ATE1: variants seen among roughly 807,000 people sequenced by gnomAD.
The protein encoded by ATE1 is arginyltransferase 1, also known as arginyl-tRNA--protein transferase 1.
A neutral mutation model predicts 70.5 loss-of-function variants in ATE1; 36 were observed. The ratio of observed to expected loss-of-function variants is 0.51; its 90% confidence interval spans 0.39 to 0.67. The LOEUF (loss-of-function observed/expected upper bound fraction) is 0.67, where lower values mean the gene tolerates loss of function less well. ATE1 is among the 30% of genes least tolerant of loss of function. ATE1 has a pLI of 0.00. For missense variants in ATE1, 593 were observed against 629.5 expected, an observed-to-expected ratio of 0.94 and a Z score of 0.62; for synonymous variants, 232 against 219.3, an observed-to-expected ratio of 1.06 and a Z score of -0.51.
At chr10:121,803,927 G>C (rs1392390194) in intron 10 of ATE1, among the ~76,000 whole-genome samples, 1 of 152,164 alleles carries the variant, frequency 6.6e-6, no homozygotes, top group East Asian at 1.9e-4. Context: ...CAAGTTTAAG[G>C]ATAACCTTTC....
intron 4 of ATE1, among the ~76,000 whole-genome samples, chr10:121,912,483 C>G (rs1951479098): frequency 6.6e-6 from 1 of 151,324 alleles, no homozygotes; most frequent in Non-Finnish European, 1.5e-5. Flanking sequence ...AACCCCGTTT[C>G]TACTAAAAAT....
At chr10:121,897,052 T>C (rs551067226) in intron 7 of ATE1, among the ~76,000 whole-genome samples, 2 of 152,102 alleles carry the variant, frequency 1.3e-5, no homozygotes, top group East Asian at 3.9e-4. Flanking sequence ...CAAATGTCAC[T>C]TCCCTCAGAA....
chr10:121,848,319 A>ATTCATTC (rs1564891925), intron 8 of ATE1, among the ~76,000 whole-genome samples: 2 of 119,776 alleles, frequency 1.7e-5, no homozygotes, highest in Non-Finnish European at 3.8e-5. Flanking sequence ...TTCATTCATT[A>ATTCATTC]AAAAACTTAT....
chr10:121,841,914 TAAATA>T (rs1440210413), intron 8 of ATE1, among the ~76,000 whole-genome samples: 2 of 151,884 alleles, frequency 1.3e-5, no homozygotes, highest in African/African-American at 2.4e-5. Context: ...TGAAATAAAA[TAAATA>T]AAATAAAAAA....
intron 8 of ATE1, among the ~76,000 whole-genome samples, chr10:121,845,456 G>GT (rs1177100725): frequency 6.6e-6 from 1 of 152,194 alleles, no homozygotes; most frequent in Admixed American, 6.5e-5. Flanking sequence ...AACACAAGCT[G>GT]TGACAAGTGA....
At chr10:121,791,970 T>C (rs1410214319) in intron 10 of ATE1, among the ~76,000 whole-genome samples, 1 of 152,154 alleles carries the variant, frequency 6.6e-6, no homozygotes, top group East Asian at 1.9e-4. Flanking sequence ...ATATGAAGCA[T>C]AGATACAAAA....
At chr10:121,861,508 C>T (rs559554744) in intron 8 of ATE1, among the ~76,000 whole-genome samples, 3 of 149,502 alleles carry the variant, frequency 2.0e-5, no homozygotes, top group East Asian at 2.0e-4. Context: ...AACCAAACAC[C>T]GCATATTCTC....
chr10:121,819,799 C>T (rs1044262965), intron 10 of ATE1, among the ~76,000 whole-genome samples: 5 of 151,476 alleles, frequency 3.3e-5, no homozygotes, highest in African/African-American at 1.2e-4. Flanking sequence ...AACCAAATAC[C>T]AGCTGTTCCC....
chr10:121,911,236 C>T, intron 4 of ATE1, 85 bp from the exon 5 acceptor site: 2 of 1,481,974 alleles, frequency 1.3e-6, no homozygotes, highest in African/African-American at 2.8e-5. Flanking sequence ...TTCCTATTAT[C>T]CATTGTGGCA....
chr10:121,825,965 T>C (rs968616765), intron 10 of ATE1, among the ~76,000 whole-genome samples: 1 of 152,214 alleles, frequency 6.6e-6, no homozygotes, highest in Non-Finnish European at 1.5e-5. Context: ...ATGTGGTATA[T>C]ACAGTGAAAT....
At chr10:121,809,177 C>T (rs1947216307) in intron 10 of ATE1, among the ~76,000 whole-genome samples, 1 of 152,176 alleles carries the variant, frequency 6.6e-6, no homozygotes, top group African/African-American at 2.4e-5. Context: ...TACTTGACAG[C>T]TTGAATTTTA....
chr10:121,806,277 C>A (rs771867914), intron 10 of ATE1, among the ~76,000 whole-genome samples: 5 of 152,078 alleles, frequency 3.3e-5, no homozygotes, highest in Non-Finnish European at 7.4e-5. Flanking sequence ...CATGGTGAAA[C>A]CCTGTCTCCA....
At chr10:121,873,178 T>C (rs2134044232) in intron 7 of ATE1, among the ~76,000 whole-genome samples, 1 of 152,322 alleles carries the variant, frequency 6.6e-6, no homozygotes, top group Admixed American at 6.5e-5. Flanking sequence ...AATAACACTG[T>C]CAATTTGATT....
intron 8 of ATE1, among the ~76,000 whole-genome samples, chr10:121,864,519 A>G (rs1949591672): frequency 6.6e-6 from 1 of 152,242 alleles, no homozygotes; most frequent in Non-Finnish European, 1.5e-5. Context: ...ACCATTGGCT[A>G]GTGTTGAACG....
intron 7 of ATE1, among the ~76,000 whole-genome samples, chr10:121,883,554 A>G (rs902063351): frequency 6.6e-6 from 1 of 152,216 alleles, no homozygotes; most frequent in Non-Finnish European, 1.5e-5. Context: ...GAATATTCCT[A>G]GGAAAATATG....
At chr10:121,899,820 A>G (rs1950909905) in intron 7 of ATE1, 46 bp downstream of exon 7, 1 of 1,581,290 alleles carries the variant, frequency 6.3e-7, no homozygotes, top group Non-Finnish European at 8.6e-7. Flanking sequence ...ATTAAGTGGA[A>G]GGGAAAGCTC....
chr10:121,789,260 G>A (rs1036106160), intron 11 of ATE1, among the ~76,000 whole-genome samples: 2 of 147,856 alleles, frequency 1.4e-5, no homozygotes, highest in Non-Finnish European at 3.0e-5. Flanking sequence ...CATGAAGCCA[G>A]GATCTGAATC....
chr10:121,785,830 C>T lies in ATE1; in HGVS notation c.1378+4339G>A, dbSNP rs534297192. 4.6e-5 allele frequency among the ~76,000 whole-genome samples: 7 copies of T among 152,152 alleles called. No homozygotes were observed. In the East Asian group the frequency reaches 1.4e-3, roughly 29 times the overall value. The stretch of plus-strand genomic sequence containing the variant: ...AGCAAATTTAAATTTGATATCCTTA[C>T]TAATAATGAATGATTTAGCTAAATT... On this transcript the variant is annotated intron_variant, in intron 11 of 11. Transcript: ENST00000224652.
chr10:121,861,749 T>TAA lies in ATE1; in HGVS notation c.975+8255_975+8256dup, dbSNP rs5788519. 2.0e-3 allele frequency among the ~76,000 whole-genome samples: 291 copies of TAA among 148,038 alleles called. 1 individual carries two copies. The highest frequency in any genetic ancestry group is 5.4e-3 in the African/African-American group (220 of 40,388). On this transcript the variant is annotated intron_variant, in intron 8 of 11. Coordinates refer to ENST00000224652, the MANE Select transcript of ATE1 (RefSeq NM_001001976.3). ...ATGTACCCTAAAACTTAAAGTATAA[T>TAA]AAAAAAAAAAAAAAGAGATATATGG... is the stretch of plus-strand genomic sequence containing the variant.
Sources: gnomAD v4.1 joint callset for allele counts (sites outside exome capture counted in the v4.1 genomes callset) on GRCh38, gnomAD v4.1.1 for gene constraint, MANE v1.5 for transcripts, NCBI Gene and HGNC (gene_info 2026-07-23, HGNC 2026-07-21) for gene names.